TMEM132B: variants seen among roughly 807,000 people sequenced by gnomAD.
TMEM132B encodes transmembrane protein 132B.
Under a neutral mutation model 90.8 loss-of-function variants are expected in TMEM132B, and 18 were observed. That is an observed-to-expected ratio of 0.20 (90% CI 0.14 to 0.29). The LOEUF (loss-of-function observed/expected upper bound fraction) is 0.29. TMEM132B is among the 10% of genes least tolerant of loss of function. The pLI is 1.00. For synonymous variants in TMEM132B, 504 were observed against 523.3 expected (o/e 0.96, Z 0.50); for missense variants, 1,096 against 1,326.8 (o/e 0.83, Z 2.70).
At chr12:125,619,500 G>A (rs2136965973) in intron 5 of TMEM132B, among the ~76,000 whole-genome samples, 2 of 152,170 alleles carry the variant, frequency 1.3e-5, no homozygotes, top group South Asian at 2.1e-4. Context: ...AAGTAACAGG[G>A]ATTACAGGTG....
intron 1 of TMEM132B, among the ~76,000 whole-genome samples, chr12:125,336,474 A>G (rs184033961): frequency 9.2e-5 from 14 of 152,370 alleles, no homozygotes; most frequent in South Asian, 8.3e-4. Context: ...TATGCCAGCT[A>G]TGACTGACCT....
intron 5 of TMEM132B, among the ~76,000 whole-genome samples, chr12:125,623,003 C>A (rs746016578): frequency 1.3e-5 from 2 of 152,128 alleles, no homozygotes; most frequent in Non-Finnish European, 2.9e-5. Flanking sequence ...TATGTACAGA[C>A]CCTGAACACC....
intron 4 of TMEM132B, among the ~76,000 whole-genome samples, chr12:125,578,616 T>G (rs993701974): frequency 2.6e-5 from 4 of 152,114 alleles, no homozygotes; most frequent in Admixed American, 2.6e-4. Context: ...TGGTATTTCT[T>G]GGAAGATGAG....
At chr12:125,432,509 G>GTATATA (rs1555248844) in intron 3 of TMEM132B, among the ~76,000 whole-genome samples, 1 of 10,514 alleles carries the variant, frequency 9.5e-5, no homozygotes, top group Non-Finnish European at 2.0e-4. Context: ...ATATGTGTGT[G>GTATATA]TGTATATATA....
In TMEM132B at chr12:125,432,485, ATGTATGTGTATATATATGTGTGTGTG is replaced by A. The variant is rs1566034773; in HGVS notation, c.1106+16810_1106+16835del. On this transcript the variant is annotated intron_variant, in intron 3 of 8. Coordinates refer to ENST00000682704, the MANE Select transcript of TMEM132B (RefSeq NM_001366854.1). ...TGTATATATATGTATGTGTATATAT[ATGTATGTGTATATATATGTGTGTGTG>A]TATATATATATATATATAGAGAGAG... is the stretch of plus-strand genomic sequence containing the variant. 2.2e-3 allele frequency among the ~76,000 whole-genome samples: 176 copies of A among 78,258 alleles called. 43 individuals are homozygous for A. In the Middle Eastern group the frequency reaches 0.029, roughly 13 times the overall value. The allele number at this position is 78,258 out of a possible 152,430, so 51.3% of individuals were successfully genotyped here.
chr12:125,647,204 C>T (rs188021404), intron 6 of TMEM132B, among the ~76,000 whole-genome samples: 22 of 152,220 alleles, frequency 1.4e-4, no homozygotes, highest in Admixed American at 3.9e-4. Context: ...AACGGAGCAT[C>T]AGGGACTTGT....
intron 4 of TMEM132B, among the ~76,000 whole-genome samples, chr12:125,573,175 G>A (rs77079769): frequency 1.8e-4 from 28 of 152,158 alleles, no homozygotes; most frequent in African/African-American, 6.7e-4. Flanking sequence ...TTGCTAAAGG[G>A]GTGTTATATC....
rs1035914722 is a variant in TMEM132B, at chr12:125,655,753, T to C, written c.*1043T>C. 3 of 152,094 alleles carry C rather than the reference T, an allele frequency of 2.0e-5. No homozygotes were observed. Among genetic ancestry groups the C allele is most frequent in the African/African-American group, 7.2e-5 (3 of 41,432 alleles). The allele number at this position is 152,094 out of a possible 1,614,324, so 9.4% of individuals were successfully genotyped here. ...CACAGAAAGGAAATTGCCTAGGCAA[T>C]AGATGCAGATTACACTTTCCATTTT... On this transcript the variant is annotated 3_prime_UTR_variant, in exon 9 of 9. Coordinates refer to ENST00000682704, the MANE Select transcript of TMEM132B (RefSeq NM_001366854.1).
intron 1 of TMEM132B, among the ~76,000 whole-genome samples, chr12:125,263,648 A>G (rs542365413): frequency 3.7e-4 from 57 of 152,338 alleles, no homozygotes; most frequent in African/African-American, 1.3e-3. Context: ...AAGTGTTTCA[A>G]AAATTTTTTT....
intron 1 of TMEM132B, among the ~76,000 whole-genome samples, chr12:125,338,128 C>A (rs1877036174): frequency 6.6e-6 from 1 of 152,218 alleles, no homozygotes; most frequent in South Asian, 2.1e-4. Flanking sequence ...TTTCAACACA[C>A]ATTTATTTCC....
chr12:125,640,804 A>C (rs1886611079), intron 5 of TMEM132B, among the ~76,000 whole-genome samples: 1 of 152,084 alleles, frequency 6.6e-6, no homozygotes, highest in Admixed American at 6.5e-5. Flanking sequence ...CATTGAAAGG[A>C]GAGTGTTGCG....
intron 3 of TMEM132B, among the ~76,000 whole-genome samples, chr12:125,507,970 A>G (rs1253503190): frequency 6.6e-6 from 1 of 152,168 alleles, no homozygotes; most frequent in Non-Finnish European, 1.5e-5. Flanking sequence ...GGGCAGAAAC[A>G]GTAGATGCAG....
intron 3 of TMEM132B, among the ~76,000 whole-genome samples, chr12:125,471,184 T>A (rs1301839766): frequency 6.6e-6 from 1 of 152,246 alleles, no homozygotes; most frequent in Non-Finnish European, 1.5e-5. Flanking sequence ...GAGTGGAATA[T>A]CTCTCTGTGT....
intron 3 of TMEM132B, among the ~76,000 whole-genome samples, chr12:125,471,349 G>C (rs890361358): frequency 6.6e-6 from 1 of 152,178 alleles, no homozygotes; most frequent in Admixed American, 6.5e-5. Context: ...ACAGACTTTG[G>C]CCTTTCACAG....
intron 1 of TMEM132B, among the ~76,000 whole-genome samples, chr12:125,187,809 A>T (rs1176020737): frequency 8.0e-6 from 1 of 124,244 alleles, no homozygotes; most frequent in Non-Finnish European, 1.6e-5. Flanking sequence ...GAAAATCCTA[A>T]AGGCTCAGAT....
chr12:125,281,828 A>C (rs1210164643), intron 1 of TMEM132B, among the ~76,000 whole-genome samples: 2 of 151,928 alleles, frequency 1.3e-5, no homozygotes, highest in Non-Finnish European at 2.9e-5. Flanking sequence ...GGAGATCGAG[A>C]CCATTCTGGC....
intron 1 of TMEM132B, among the ~76,000 whole-genome samples, chr12:125,283,592 TG>T: frequency 1.3e-5 from 2 of 152,304 alleles, no homozygotes; most frequent in Middle Eastern, 6.8e-3. Flanking sequence ...AATGAAGCGT[TG>T]ATAGGGCCAA....
At chr12:125,521,089 C>G (rs1883295396) in intron 4 of TMEM132B, among the ~76,000 whole-genome samples, 2 of 152,186 alleles carry the variant, frequency 1.3e-5, no homozygotes, top group Admixed American at 1.3e-4. Flanking sequence ...TCAGCTAGGT[C>G]AGGCTGAGGT....
chr12:125,561,626 A>G (rs908987782), intron 4 of TMEM132B, among the ~76,000 whole-genome samples: 1 of 152,228 alleles, frequency 6.6e-6, no homozygotes, highest in Non-Finnish European at 1.5e-5. Flanking sequence ...ATCAGGCATG[A>G]AAACAATCTC....
Sources: gnomAD v4.1 joint callset for allele counts (sites outside exome capture counted in the v4.1 genomes callset) on GRCh38, gnomAD v4.1.1 for gene constraint, MANE v1.5 for transcripts, NCBI Gene and HGNC (gene_info 2026-07-23, HGNC 2026-07-21) for gene names.